The following RAB11FIP4 variants were observed in gnomAD, a reference collection of about 807,000 sequenced individuals.
RAB11FIP4 encodes the protein rab11 family-interacting protein 4.
A neutral mutation model predicts 74.3 loss-of-function variants in RAB11FIP4; 23 were observed. The ratio of observed to expected loss-of-function variants is 0.31; its 90% CI spans 0.22 to 0.44. RAB11FIP4 has a LOEUF of 0.44. RAB11FIP4 is among the 20% of genes least tolerant of loss of function. The pLI is 1.00. For synonymous variants in RAB11FIP4, 360 were observed against 359.9 expected (o/e 1.00, Z 0.00); for missense variants, 630 against 863.9 (o/e 0.73, Z 3.39).
intron 3 of RAB11FIP4, among the ~76,000 whole-genome samples, chr17:31,482,916 C>T (rs949319262): frequency 1.3e-5 from 2 of 151,988 alleles, no homozygotes; most frequent in African/African-American, 2.4e-5. Context: ...GTCCTCTGGC[C>T]GGGGGCAGTG....
chr17:31,487,428 A>G (rs979285531), intron 3 of RAB11FIP4, among the ~76,000 whole-genome samples: 2 of 149,926 alleles, frequency 1.3e-5, no homozygotes, highest in Non-Finnish European at 3.0e-5. Context: ...CATAAATAGT[A>G]TTTACTAGCA....
intron 1 of RAB11FIP4, among the ~76,000 whole-genome samples, chr17:31,430,535 A>G (rs1443494408): frequency 6.7e-6 from 1 of 150,348 alleles, no homozygotes; most frequent in Non-Finnish European, 1.5e-5. Context: ...TTTTTTTTGT[A>G]TTTTTAGTAG....
At chr17:31,434,160 GCCT>G in intron 3 of RAB11FIP4, 38 bp downstream of exon 3, 3 of 1,490,578 alleles carry the variant, frequency 2.0e-6, no homozygotes, top group Non-Finnish European at 2.7e-6. Context: ...CCATGGCTCT[GCCT>G]CCTCCTTCTT....
intron 3 of RAB11FIP4, among the ~76,000 whole-genome samples, chr17:31,460,432 T>G (rs1666861248): frequency 6.6e-6 from 1 of 152,144 alleles, no homozygotes; most frequent in South Asian, 2.1e-4. Flanking sequence ...GTTGTTTTCT[T>G]TGCCTGTTAA....
intron 1 of RAB11FIP4, among the ~76,000 whole-genome samples, chr17:31,408,087 A>G (rs1468057598): frequency 6.6e-6 from 1 of 152,076 alleles, no homozygotes; most frequent in African/African-American, 2.4e-5. Context: ...CCAGCCTGTC[A>G]TACCTTGTTA....
At chr17:31,418,401 T>G (rs1043920483) in intron 1 of RAB11FIP4, among the ~76,000 whole-genome samples, 2 of 150,686 alleles carry the variant, frequency 1.3e-5, no homozygotes, top group Admixed American at 6.6e-5. Flanking sequence ...AAAAATAAAA[T>G]AAAATAAATA....
chr17:31,499,930 G>T (rs1416284757), intron 3 of RAB11FIP4, among the ~76,000 whole-genome samples: 6 of 152,250 alleles, frequency 3.9e-5, no homozygotes, highest in African/African-American at 1.2e-4. Flanking sequence ...TGGCTGCTGG[G>T]TTTGTTTTCC....
At chr17:31,429,148 C>G (rs1301613084) in intron 1 of RAB11FIP4, among the ~76,000 whole-genome samples, 1 of 152,066 alleles carries the variant, frequency 6.6e-6, no homozygotes, top group Non-Finnish European at 1.5e-5. Flanking sequence ...CTACTATGTA[C>G]CAGTCACGGT....
chr17:31,457,086 T>C (rs2071586044), intron 3 of RAB11FIP4, among the ~76,000 whole-genome samples: 1 of 152,108 alleles, frequency 6.6e-6, no homozygotes, highest in Admixed American at 6.6e-5. Context: ...TAAGGAGGGA[T>C]AGTGAGTTGC....
At chr17:31,394,196 TCA>T (rs1347357211) in intron 1 of RAB11FIP4, among the ~76,000 whole-genome samples, 2 of 152,248 alleles carry the variant, frequency 1.3e-5, no homozygotes, top group African/African-American at 4.8e-5. Context: ...GTCCTATCTC[TCA>T]GGCAGCGCCT....
At chr17:31,392,047 C>A (rs1597891349) in intron 1 of RAB11FIP4, 36 bp downstream of exon 1, 2 of 1,225,910 alleles carry the variant, frequency 1.6e-6, no homozygotes, top group East Asian at 3.3e-5. Context: ...GCCCGGGGAC[C>A]CCAGCCCAGC....
chr17:31,517,193 G>T (rs1457797278), intron 3 of RAB11FIP4, among the ~76,000 whole-genome samples: 2 of 56,446 alleles, frequency 3.5e-5, no homozygotes, highest in Non-Finnish European at 6.2e-5. Context: ...AGGCGGTGCG[G>T]GGGGGGGGGC....
At chr17:31,439,216 A>G (rs2071387181) in intron 3 of RAB11FIP4, among the ~76,000 whole-genome samples, 1 of 152,240 alleles carries the variant, frequency 6.6e-6, no homozygotes, top group Non-Finnish European at 1.5e-5. Flanking sequence ...AAGTATTTCT[A>G]GAACTAGGTA....
chr17:31,490,612 G>C (rs554439605), intron 3 of RAB11FIP4, among the ~76,000 whole-genome samples: 1 of 152,002 alleles, frequency 6.6e-6, no homozygotes, highest in South Asian at 2.1e-4. Context: ...CTGGAGTCAA[G>C]TGGTGTGATC....
At chr17:31,402,598 T>TTATATTTA (rs142035896) in intron 1 of RAB11FIP4, among the ~76,000 whole-genome samples, 3 of 142,752 alleles carry the variant, frequency 2.1e-5, no homozygotes, top group African/African-American at 7.8e-5. Context: ...TTTTATTTAT[T>TTATATTTA]TTTATTTATT....
intron 3 of RAB11FIP4, among the ~76,000 whole-genome samples, chr17:31,515,690 C>G (rs2072533424): frequency 6.6e-6 from 1 of 152,154 alleles, no homozygotes; most frequent in South Asian, 2.1e-4. Context: ...GCCCTGCCAG[C>G]CCTGGCTGAG....
chr17:31,491,456 G>T (rs540553753), intron 3 of RAB11FIP4, among the ~76,000 whole-genome samples: 2 of 152,252 alleles, frequency 1.3e-5, no homozygotes, highest in Admixed American at 1.3e-4. Context: ...GCAGGAGGAA[G>T]AGCAGGGAAG....
chr17:31,403,544 G>A (rs1966356), intron 1 of RAB11FIP4, among the ~76,000 whole-genome samples: 5,989 of 152,100 alleles, frequency 0.039, 162 homozygotes, highest in Non-Finnish European at 0.059. Context: ...GGATGATCTC[G>A]ATCTCCTGAC....
intron 9 of RAB11FIP4, 153 bp downstream of exon 9, chr17:31,524,149 C>T: frequency 1.6e-6 from 1 of 632,178 alleles, no homozygotes; most frequent in Admixed American, 2.4e-5. Context: ...GCCCTGCCCA[C>T]ATGTGGTGCC....
Sources: allele counts gnomAD v4.1 joint callset (sites outside exome capture counted in the v4.1 genomes callset), GRCh38; gene constraint gnomAD v4.1.1; transcripts MANE v1.5; gene names NCBI Gene and HGNC (gene_info 2026-07-23, HGNC 2026-07-21).